The following SPMAP2L variants were observed in gnomAD, a reference collection of about 807,000 sequenced individuals.
SPMAP2L encodes the protein sperm microtubule associated protein 2-like.
the SPMAP2L span, among the ~76,000 whole-genome samples, chr4:56,547,830 TAAAACAAA>T: frequency 3.0e-4 from 46 of 152,074 alleles, no homozygotes; most frequent in Non-Finnish European, 6.0e-4. Context: ...TTTTCCACAT[TAAAACAAA>T]AAAACAAAAA....
At chr4:56,544,568 T>C in the SPMAP2L span, among the ~76,000 whole-genome samples, 1 of 152,222 alleles carries the variant, frequency 6.6e-6, no homozygotes, top group South Asian at 2.1e-4. Flanking sequence ...CAACGTTTTA[T>C]AATTATGTTG....
chr4:56,556,866 C>T, the SPMAP2L span, among the ~76,000 whole-genome samples: 1 of 151,906 alleles, frequency 6.6e-6, no homozygotes, highest in Non-Finnish European at 1.5e-5. Context: ...CTGAGAGAGA[C>T]TCCATCTCTA....
At chr4:56,591,492 C>T in the SPMAP2L span, among the ~76,000 whole-genome samples, 1 of 151,950 alleles carries the variant, frequency 6.6e-6, no homozygotes, top group East Asian at 1.9e-4. Flanking sequence ...TTAAATAGCA[C>T]AAAAAGGAAT....
the SPMAP2L span, among the ~76,000 whole-genome samples, chr4:56,596,261 T>A: frequency 6.6e-6 from 1 of 151,962 alleles, no homozygotes; most frequent in Non-Finnish European, 1.5e-5. Context: ...GCATTTTGAT[T>A]GGAAAACAAA....
chr4:56,561,327 A>G, the SPMAP2L span, among the ~76,000 whole-genome samples: 2 of 152,212 alleles, frequency 1.3e-5, no homozygotes, highest in Non-Finnish European at 2.9e-5. Context: ...AATTTAATTC[A>G]GCAAATATTT....
At chr4:56,530,690 A>G in the SPMAP2L span, 5 of 1,534,492 alleles carry the variant, frequency 3.3e-6, no homozygotes, top group Non-Finnish European at 4.4e-6. Context: ...GAGAACCAAG[A>G]GTTTCTAAGT....
chr4:56,578,915 A>G, the SPMAP2L span, among the ~76,000 whole-genome samples: 1 of 151,974 alleles, frequency 6.6e-6, no homozygotes, highest in African/African-American at 2.4e-5. Flanking sequence ...TCATCTCTAC[A>G]AGAAAAAAAA....
At chr4:56,541,671 A>G in the SPMAP2L span, among the ~76,000 whole-genome samples, 3 of 152,172 alleles carry the variant, frequency 2.0e-5, no homozygotes, top group African/African-American at 7.2e-5. Flanking sequence ...CTGTAGGACA[A>G]ATTTGTTTTA....
chr4:56,613,469 AC>A, the SPMAP2L span, among the ~76,000 whole-genome samples: 1 of 152,180 alleles, frequency 6.6e-6, no homozygotes, highest in African/African-American at 2.4e-5. Flanking sequence ...GATACCAGGG[AC>A]ATAATGGTGG....
chr4:56,615,147 C>T, the SPMAP2L span, among the ~76,000 whole-genome samples: 2 of 152,194 alleles, frequency 1.3e-5, no homozygotes, highest in Non-Finnish European at 2.9e-5. Context: ...TCAGGCTGCT[C>T]TGATTTGTGA....
At chr4:56,620,384 TA>T in the SPMAP2L span, among the ~76,000 whole-genome samples, 1 of 135,384 alleles carries the variant, frequency 7.4e-6, no homozygotes, top group African/African-American at 3.3e-5. Context: ...AATAGCCTTC[TA>T]GTTTTTTTTT....
chr4:56,613,110 T>C, the SPMAP2L span, among the ~76,000 whole-genome samples: 1 of 152,120 alleles, frequency 6.6e-6, no homozygotes, highest in Non-Finnish European at 1.5e-5. Context: ...TTTTACTTCC[T>C]AAGGGCCTGT....
At chr4:56,586,235 T>C in the SPMAP2L span, among the ~76,000 whole-genome samples, 4 of 152,156 alleles carry the variant, frequency 2.6e-5, no homozygotes, top group Non-Finnish European at 5.9e-5. Context: ...AGATATTTAT[T>C]TCTCACAGTT....
chr4:56,533,951 C>G, the SPMAP2L span, among the ~76,000 whole-genome samples: 2 of 152,138 alleles, frequency 1.3e-5, no homozygotes, highest in Non-Finnish European at 2.9e-5. Flanking sequence ...GACTCTGTCT[C>G]AAGAACAAAA....
At chr4:56,557,728 A>G in the SPMAP2L span, 2 of 152,108 alleles carry the variant, frequency 1.3e-5, no homozygotes, top group African/African-American at 2.4e-5. Flanking sequence ...ACTTGGTTCT[A>G]TTTCATGGAT....
At chr4:56,614,480 C>G in the SPMAP2L span, among the ~76,000 whole-genome samples, 1 of 151,936 alleles carries the variant, frequency 6.6e-6, no homozygotes. Context: ...CATGGTGAAA[C>G]CTCATCTCTA....
At chr4:56,609,713 C>T in the SPMAP2L span, among the ~76,000 whole-genome samples, 4 of 152,108 alleles carry the variant, frequency 2.6e-5, no homozygotes, top group South Asian at 8.3e-4. Flanking sequence ...GGATTAGTGT[C>T]CTTAATAAAG....
At chr4:56,607,733 A>T in the SPMAP2L span, among the ~76,000 whole-genome samples, 1 of 152,146 alleles carries the variant, frequency 6.6e-6, no homozygotes, top group Non-Finnish European at 1.5e-5. Flanking sequence ...CCCGGCTGTA[A>T]TCCCAGCACT....
At chr4:56,541,411 C>A in the SPMAP2L span, among the ~76,000 whole-genome samples, 2 of 152,082 alleles carry the variant, frequency 1.3e-5, no homozygotes, top group Non-Finnish European at 2.9e-5. Context: ...TTTTCACTTG[C>A]ATATTTGACA....
Sources: allele counts gnomAD v4.1 joint callset (sites outside exome capture counted in the v4.1 genomes callset), GRCh38; gene constraint gnomAD v4.1.1; transcripts MANE v1.5; gene names NCBI Gene and HGNC (gene_info 2026-07-23, HGNC 2026-07-21).